Variants in TMEM47 observed in about 807,000 individuals in gnomAD.
The protein encoded by TMEM47 is brain cell membrane protein 1.
A neutral mutation model predicts 12.4 loss-of-function variants in TMEM47; 3 were observed. The observed-to-expected ratio is 0.24, with a 90% CI of 0.11 to 0.63. The LOEUF (loss-of-function observed/expected upper bound fraction) is 0.63. Among genes scored for constraint, TMEM47 ranks in the 20% least tolerant of loss-of-function variants. TMEM47 has a pLI of 0.86. For missense variants in TMEM47, 89 were observed against 143.8 expected, an observed-to-expected ratio of 0.62 and a Z score of 1.95; for synonymous variants, 62 against 63.3, an observed-to-expected ratio of 0.98 and a Z score of 0.10.
intron 2 of TMEM47, among the ~76,000 whole-genome samples, chrX:34,631,214 C>T (rs780331151): frequency 1.2e-4 from 12 of 103,312 alleles, no homozygotes; most frequent in African/African-American, 4.3e-4. Flanking sequence ...AATAGTGACC[C>T]CAATGCCAAC....
At chrX:34,641,095 GC>G (rs199861127) in intron 1 of TMEM47, among the ~76,000 whole-genome samples, 756 of 20,731 alleles carry the variant, frequency 0.036, 6 homozygotes, top group African/African-American at 0.15. Flanking sequence ...GAATTAAAAA[GC>G]CAAAAAAAAA....
chrX:34,640,139 CTTTTT>C (rs1329213660), intron 1 of TMEM47, among the ~76,000 whole-genome samples: 1 of 111,898 alleles, frequency 8.9e-6, no homozygotes, highest in Non-Finnish European at 1.9e-5. Context: ...TTTTCCACTT[CTTTTT>C]TATTTGATTC....
At chrX:34,651,325 A>G (rs921962058) in intron 1 of TMEM47, among the ~76,000 whole-genome samples, 10 of 111,999 alleles carry the variant, frequency 8.9e-5, no homozygotes, top group Non-Finnish European at 1.1e-4. Flanking sequence ...TAAGACCACA[A>G]TGCTAGAAAG....
At chrX:34,645,767 CT>C (rs1401686378) in intron 1 of TMEM47, among the ~76,000 whole-genome samples, 1 of 111,731 alleles carries the variant, frequency 9.0e-6, no homozygotes, top group African/African-American at 3.2e-5. Flanking sequence ...AGAAATATTT[CT>C]TTGTATATGA....
rs1394312757 is a variant in TMEM47, at chrX:34,656,723, G to A, written c.226+81C>T. 9.8e-6 allele frequency: 11 copies of A among 1,122,326 alleles called. No homozygotes were observed. The East Asian group carries it at 3.3e-4, about 34-fold the overall frequency. 92.5% of individuals were successfully genotyped at this position (1,122,326 alleles called of 1,213,427 possible). A position where few individuals can be genotyped will look rare whatever the true frequency, so the allele number is the denominator to read the frequency against. ...AGGGCAGAGGATGCGGGGACGTGGG[G>A]ACAGGCGGTGACTGTCCTGGCAGTG... is the stretch of plus-strand genomic sequence containing the variant. On this transcript the variant is annotated intron_variant, in intron 1 of 2. Coordinates refer to ENST00000275954, the MANE Select transcript of TMEM47 (RefSeq NM_031442.4).
intron 1 of TMEM47, among the ~76,000 whole-genome samples, chrX:34,653,966 A>G (rs945174565): frequency 1.8e-5 from 2 of 111,415 alleles, no homozygotes; most frequent in Admixed American, 1.9e-4. Flanking sequence ...TGTCCTCCAT[A>G]CATTGAATTG....
intron 1 of TMEM47, among the ~76,000 whole-genome samples, chrX:34,655,267 C>A (rs1375870073): frequency 1.8e-5 from 2 of 111,811 alleles, no homozygotes; most frequent in African/African-American, 3.3e-5. Context: ...AGGAGTCGTG[C>A]AGTAGCTGTC....
intron 1 of TMEM47, among the ~76,000 whole-genome samples, chrX:34,644,549 C>T (rs963358662): frequency 8.9e-6 from 1 of 112,136 alleles, no homozygotes; most frequent in African/African-American, 3.2e-5. Flanking sequence ...TGCCTCCACT[C>T]ACCTCATTTA....
At chrX:34,636,894 A>G (rs912588732) in intron 2 of TMEM47, among the ~76,000 whole-genome samples, 1 of 111,681 alleles carries the variant, frequency 9.0e-6, no homozygotes, top group Non-Finnish European at 1.9e-5. Flanking sequence ...CCAATATGTG[A>G]TATGTACTGA....
At chrX:34,635,102 T>C (rs963703635) in intron 2 of TMEM47, among the ~76,000 whole-genome samples, 3 of 111,697 alleles carry the variant, frequency 2.7e-5, no homozygotes, top group Admixed American at 1.9e-4. Context: ...TTCAGCTGCC[T>C]ATGGGGCAGG....
intron 1 of TMEM47, among the ~76,000 whole-genome samples, chrX:34,649,358 C>T (rs1416132568): frequency 1.8e-5 from 2 of 111,581 alleles, no homozygotes; most frequent in African/African-American, 6.5e-5. Flanking sequence ...CCATGGAATA[C>T]TATGCAGCCA....
Position 34,634,390 on chromosome X carries a change from C to T in TMEM47, c.368-3899G>A, listed in dbSNP as rs145873566. Reference sequence around the variant, plus strand: ...AAGGGATATTTTTCAGTGTTTTCAACACTAAAATATTCAAAGCATTGATAT... The same window carrying T: ...AAGGGATATTTTTCAGTGTTTTCAATACTAAAATATTCAAAGCATTGATAT... On this transcript the variant is annotated intron_variant, in intron 2 of 2. Transcript: ENST00000275954. Among the ~76,000 whole-genome samples, 3 of 112,203 alleles carry T rather than the reference C, an allele frequency of 2.7e-5. No homozygotes were observed. The East Asian group carries it at 8.4e-4, about 32-fold the overall frequency.
rs1921588425 is a variant in TMEM47 at position 34,630,230 on chromosome X, T to C, written c.*83A>G. On this transcript the variant is annotated 3_prime_UTR_variant, in exon 3 of 3. Coordinates refer to ENST00000275954, the MANE Select transcript of TMEM47 (RefSeq NM_031442.4). ...ACTGCTTGATGCTCCACAAGTGTTT[T>C]AGAAAATAGTAAGTTAGAAAAGATG... is the stretch of plus-strand genomic sequence containing the variant. 1.3e-5 allele frequency: 13 copies of C among 979,624 alleles called. No homozygotes were observed. Among genetic ancestry groups the C allele is most frequent in the Non-Finnish European group, 1.8e-5 (13 of 730,370 alleles). The allele number at this position is 979,624 out of a possible 1,213,427, so 80.7% of individuals were successfully genotyped here.
chrX:34,648,122 C>T, intron 1 of TMEM47, among the ~76,000 whole-genome samples: 1 of 111,806 alleles, frequency 8.9e-6, no homozygotes, highest in Non-Finnish European at 1.9e-5. Context: ...GCCATACTGC[C>T]CAAAGGAATT....
rs1441780007 is a variant in TMEM47, at chrX:34,628,858, T to C, written c.*1455A>G. On this transcript the variant is annotated 3_prime_UTR_variant, in exon 3 of 3. Transcript: ENST00000275954. ...TATAATTAAGCTATCCAAATTTGTATATTAAACAGAATTAACACAAGTTTG... is the reference window on the plus strand; with the variant it reads ...TATAATTAAGCTATCCAAATTTGTACATTAAACAGAATTAACACAAGTTTG... 1.8e-5 allele frequency: 2 copies of C among 112,103 alleles called. No homozygotes were observed. Among genetic ancestry groups the C allele is most frequent in the Non-Finnish European group, 3.8e-5 (2 of 53,151 alleles). The allele number at this position is 112,103 out of a possible 1,213,427, so 9.2% of individuals were successfully genotyped here. A position where few individuals can be genotyped will look rare whatever the true frequency, so the allele number is the denominator to read the frequency against.
chrX:34,630,512 A>G, intron 2 of TMEM47, 21 bp from the exon 3 acceptor site: 1 of 1,168,111 alleles, frequency 8.6e-7, no homozygotes, highest in East Asian at 3.0e-5. Context: ...AGCAAATCAA[A>G]ATTAGAAAAT....
Position 34,656,919 on chromosome X carries a change from C to G in TMEM47, c.111G>C (p.Ala37=), listed in dbSNP as rs1922121419. ...IFLALCLDLG[A]VLSPAWVTAD... The stretch of plus-strand genomic sequence containing the variant: ...CTGTGACCCAGGCCGGGCTCAGCAC[C>G]GCCCCCAGGTCCAGACACAGCGCCA... Residue 37 remains alanine, a synonymous_variant, in exon 1 of 3, where the codon GCG becomes GCC. Transcript: ENST00000275954. The G allele has an allele frequency of 8.4e-7, 1 of 1,183,907 alleles. No individual in the cohort carries two copies. The highest frequency in any genetic ancestry group is 1.1e-6 in the Non-Finnish European group (1 of 881,638).
rs546498138 is a variant in TMEM47, at chrX:34,638,503, C to T, written c.367+744G>A. 6.9e-4 allele frequency among the ~76,000 whole-genome samples: 77 copies of T among 111,976 alleles called. No individual in the cohort carries two copies. In the South Asian group the frequency reaches 0.025, roughly 36 times the overall value. On this transcript the variant is annotated intron_variant, in intron 2 of 2. Transcript: ENST00000275954. ...TGTCAGTGTCTTCATTATTGATAGT[C>T]ACAGAAGCTTACTTTGCAGTCTTCA...
chrX:34,641,967 A>T (rs2147139628), intron 1 of TMEM47, among the ~76,000 whole-genome samples: 1 of 112,466 alleles, frequency 8.9e-6, no homozygotes, highest in South Asian at 3.7e-4. Context: ...AGTGATTCTC[A>T]TGCCTCAGCC....
Sources: gnomAD v4.1 joint callset for allele counts (sites outside exome capture counted in the v4.1 genomes callset) on GRCh38, gnomAD v4.1.1 for gene constraint, MANE v1.5 for transcripts, NCBI Gene and HGNC (gene_info 2026-07-23, HGNC 2026-07-21) for gene names.